Variants in RABL2B observed in about 807,000 individuals in gnomAD.
The protein encoded by RABL2B is RAB, member of RAS oncogene family like 2B.
A neutral mutation model predicts 26.7 loss-of-function variants in RABL2B; 17 were observed. That is an observed-to-expected ratio of 0.64 (90% CI 0.44 to 0.95). The LOEUF (loss-of-function observed/expected upper bound fraction) is 0.95. Ranked by LOEUF, RABL2B falls within the 40% of genes least tolerant of loss-of-function variation. The pLI, the probability that RABL2B is intolerant of heterozygous loss-of-function variation, is 0.00. For missense variants in RABL2B, 170 were observed against 277.2 expected, an observed-to-expected ratio of 0.61 and a Z score of 2.75; for synonymous variants, 70 against 103.9, an observed-to-expected ratio of 0.67 and a Z score of 1.99.
At chr22:50,776,367 G>C (rs569301855) in intron 4 of RABL2B, among the ~76,000 whole-genome samples, 1 of 152,276 alleles carries the variant, frequency 6.6e-6, no homozygotes, top group African/African-American at 2.4e-5. Flanking sequence ...CTGCCTCGTC[G>C]AAGGCCTCTT....
At chr22:50,777,928 G>C in intron 3 of RABL2B, 24 bp downstream of exon 3, 1 of 1,614,126 alleles carries the variant, frequency 6.2e-7, no homozygotes, top group Non-Finnish European at 8.5e-7. Context: ...AGGAACAAGG[G>C]GTACTTCAAA....
At chr22:50,778,241 A>G (rs1270547950) in intron 2 of RABL2B, among the ~76,000 whole-genome samples, 46 of 149,774 alleles carry the variant, frequency 3.1e-4, no homozygotes, top group African/African-American at 1.1e-3. Flanking sequence ...CCACCAGAGC[A>G]CAGTTCTGCC....
At chr22:50,781,761 A>G (rs1603451662) in intron 2 of RABL2B, among the ~76,000 whole-genome samples, 1 of 151,882 alleles carries the variant, frequency 6.6e-6, no homozygotes, top group African/African-American at 2.4e-5. Context: ...AGTCTTCACA[A>G]TGATTATAGT....
rs2083695447 is a variant in RABL2B, at chr22:50,768,601, C to T, written c.*175G>A. Reference sequence around the variant, plus strand: ...AATTCTTCCACCAGTCCAGAGTTTGCTGGTGCTGACCTCATCCCTGTATCA... The same window carrying T: ...AATTCTTCCACCAGTCCAGAGTTTGTTGGTGCTGACCTCATCCCTGTATCA... On this transcript the variant is annotated 3_prime_UTR_variant, in exon 9 of 9. Coordinates refer to ENST00000691320, the MANE Select transcript of RABL2B (RefSeq NM_001130919.3). The T allele has an allele frequency of 5.6e-6, 8 of 1,424,992 alleles. No individual in the cohort carries two copies. Among genetic ancestry groups the T allele is most frequent in the Non-Finnish European group, 7.4e-6 (8 of 1,077,638 alleles). 88.3% of individuals were successfully genotyped at this position (1,424,992 alleles called of 1,614,324 possible).
chr22:50,773,167 C>T, intron 5 of RABL2B: 1 of 1,252,778 alleles, frequency 8.0e-7, no homozygotes, highest in Non-Finnish European at 1.0e-6. Flanking sequence ...AGGCCTGAAA[C>T]CAAACTGGCT....
intron 3 of RABL2B, 37 bp downstream of exon 3, chr22:50,777,915 C>T: frequency 6.2e-7 from 1 of 1,614,100 alleles, no homozygotes; most frequent in South Asian, 1.1e-5. Context: ...TGGGAAGACC[C>T]ACAGGAACAA....
chr22:50,771,046 T>A (rs1184471075), intron 5 of RABL2B, among the ~76,000 whole-genome samples: 1 of 87,772 alleles, frequency 1.1e-5, no homozygotes, highest in African/African-American at 6.2e-5. Flanking sequence ...CTGCCCCTGA[T>A]TTTTTTTTTT....
At chr22:50,779,409 G>A (rs1369271611) in intron 2 of RABL2B, among the ~76,000 whole-genome samples, 20 of 151,066 alleles carry the variant, frequency 1.3e-4, no homozygotes, top group Middle Eastern at 6.8e-3. Flanking sequence ...ACTGGTCACT[G>A]GTGGCCTAAG....
chr22:50,779,915 A>G (rs1294448657), intron 2 of RABL2B, among the ~76,000 whole-genome samples: 2 of 152,154 alleles, frequency 1.3e-5, no homozygotes, highest in African/African-American at 4.8e-5. Context: ...TGGGAGGCGG[A>G]GGTTGCAGTG....
In RABL2B at chr22:50,775,839, G is replaced by A. The variant is rs781825253; in HGVS notation, c.230C>T (p.Thr77Met). ...GCTCTGGAACCGCTCCTGGCCTGCC[G>A]TGTCCCAAAAGTCTGCAATGTGAAC... The part of the protein sequence containing the change: ...GRTILVDFWD[T>M]AGQERFQSMH... Residue 77 changes from threonine (T) to methionine (M), a missense_variant, in exon 5 of 9, where the codon ACG (threonine) becomes ATG (methionine). By Grantham distance (81) the Thr-to-Met change is moderately conservative. Around this residue, in one of 2 missense-constraint regions of RABL2B, gnomAD observed 165 missense variants for 232.0 expected, o/e 0.71. Coordinates refer to ENST00000691320, the MANE Select transcript of RABL2B (RefSeq NM_001130919.3). The A allele has an allele frequency of 9.3e-6, 15 of 1,614,070 alleles. No individual in the cohort carries two copies. In the African/African-American group the frequency reaches 1.2e-4, roughly 13 times the overall value.
At chr22:50,769,595 G>A in intron 6 of RABL2B, 43 bp from the exon 7 acceptor site, 6 of 1,613,114 alleles carry the variant, frequency 3.7e-6, no homozygotes, top group Non-Finnish European at 5.1e-6. Flanking sequence ...GTCAAGGGAA[G>A]GGAAGAAGGT....
Position 50,768,620 on chromosome 22 carries a change from T to C in RABL2B, c.*156A>G. 3 of 1,467,146 alleles carry C rather than the reference T, an allele frequency of 2.0e-6. No individual in the cohort carries two copies. The highest frequency in any genetic ancestry group is 2.7e-6 in the Non-Finnish European group (3 of 1,104,854). The allele number at this position is 1,467,146 out of a possible 1,614,324, so 90.9% of individuals were successfully genotyped here. ...AGTTTGCTGGTGCTGACCTCATCCC[T>C]GTATCACGGGCCTAGAATGTGGGAG... On this transcript the variant is annotated 3_prime_UTR_variant, in exon 9 of 9. Coordinates refer to ENST00000691320, the MANE Select transcript of RABL2B (RefSeq NM_001130919.3).
intron 5 of RABL2B, among the ~76,000 whole-genome samples, chr22:50,774,214 G>A (rs1242406763): frequency 4.3e-4 from 66 of 152,224 alleles, no homozygotes; most frequent in Middle Eastern, 3.4e-3. Flanking sequence ...CTTTATTAAT[G>A]TATGCCAACA....
At chr22:50,778,251 C>A (rs2747986) in intron 2 of RABL2B, among the ~76,000 whole-genome samples, 60,993 of 139,456 alleles carry the variant, frequency 0.44, 13,884 homozygotes, top group East Asian at 0.5. Context: ...ACAGTTCTGC[C>A]CATGCAATTA....
intron 5 of RABL2B, chr22:50,772,179 C>A (rs1555919367): frequency 4.2e-6 from 1 of 239,022 alleles, no homozygotes; most frequent in African/African-American, 2.3e-5. Context: ...CAGGTGCGCA[C>A]CACCACGCCT....
At chr22:50,772,490 A>G in intron 5 of RABL2B, 1 of 989,942 alleles carries the variant, frequency 1.0e-6, no homozygotes, top group East Asian at 1.1e-4. Flanking sequence ...CTAGTACAAC[A>G]GTCAGTGGAT....
At chr22:50,771,353 T>G (rs2084143004) in intron 5 of RABL2B, 1 of 151,224 alleles carries the variant, frequency 6.6e-6, no homozygotes, top group African/African-American at 2.5e-5. Flanking sequence ...TCACTGCCAC[T>G]GCAACCTCCA....
At chr22:50,774,215 T>A (rs2084635813) in intron 5 of RABL2B, among the ~76,000 whole-genome samples, 1 of 152,126 alleles carries the variant, frequency 6.6e-6, no homozygotes, top group South Asian at 2.1e-4. Flanking sequence ...TTTATTAATG[T>A]ATGCCAACAA....
intron 5 of RABL2B, among the ~76,000 whole-genome samples, chr22:50,775,291 C>T (rs1300590190): frequency 1.3e-5 from 2 of 152,108 alleles, no homozygotes; most frequent in Non-Finnish European, 2.9e-5. Flanking sequence ...CAGGGGGAGC[C>T]GTGAGGACTG....
Sources: gnomAD v4.1 joint callset for allele counts (sites outside exome capture counted in the v4.1 genomes callset) on GRCh38, gnomAD v4.1.1 for gene constraint, gnomAD v4.1.1 regional missense constraint, MANE v1.5 for transcripts, NCBI Gene and HGNC (gene_info 2026-07-23, HGNC 2026-07-21) for gene names.